PCDHGA5: variants seen among roughly 807,000 people sequenced by gnomAD.
PCDHGA5 encodes protocadherin gamma-A5.
Under a neutral mutation model 56.7 loss-of-function variants are expected in PCDHGA5, and 36 were observed. That is an observed-to-expected ratio of 0.64 (90% CI 0.49 to 0.84). PCDHGA5 has a LOEUF of 0.84. Among genes scored for constraint, PCDHGA5 ranks in the 40% least tolerant of loss-of-function variants. The pLI is 0.00. For missense variants in PCDHGA5, 1,305 were observed against 1,201.5 expected (o/e 1.09, Z -1.27); for synonymous variants, 563 against 520.2 (o/e 1.08, Z -1.12).
chr5:141,478,692 A>C (rs1459911657), intron 1 of PCDHGA5: 2 of 1,550,666 alleles, frequency 1.3e-6, no homozygotes, highest in African/African-American at 2.7e-5. Context: ...CCTAGATCAA[A>C]GTTAGTGCCT....
At chr5:141,415,597 A>G (rs1206125540) in intron 1 of PCDHGA5, 2 of 1,613,800 alleles carry the variant, frequency 1.2e-6, no homozygotes, top group South Asian at 1.1e-5. Flanking sequence ...TATAGAGGAT[A>G]CCCCATTGGT....
At position 141,487,796 on chromosome 5, in the gene PCDHGA5, T is replaced by C. The variant is rs766798983; in HGVS notation, c.2422-7011T>C. ...TAACTGTTTCGTGAATTAACCAGAG[T>C]TGTCACAGTTTAGCATTGGGGGCGG... On this transcript the variant is annotated intron_variant, in intron 1 of 3. Coordinates refer to ENST00000518069, the MANE Select transcript of PCDHGA5 (RefSeq NM_018918.3). The surrounding 1 kb of genome is among the most constrained non-coding windows in gnomAD (Gnocchi z 5.0). 15 of 1,498,660 alleles carry C rather than the reference T, an allele frequency of 1.0e-5. No homozygotes were observed. The highest frequency in any genetic ancestry group is 1.4e-5 in the Non-Finnish European group (15 of 1,110,900). 92.8% of individuals were successfully genotyped at this position (1,498,660 alleles called of 1,614,324 possible). A position where few individuals can be genotyped will look rare whatever the true frequency, so the allele number is the denominator to read the frequency against.
intron 1 of PCDHGA5, among the ~76,000 whole-genome samples, chr5:141,458,726 C>T (rs1301761231): frequency 1.3e-5 from 2 of 151,992 alleles, no homozygotes; most frequent in African/African-American, 4.8e-5. Flanking sequence ...TTCGCCACCA[C>T]ATCCAGCTAT....
At chr5:141,369,931 G>A (rs189671348) in intron 1 of PCDHGA5, among the ~76,000 whole-genome samples, 35 of 152,224 alleles carry the variant, frequency 2.3e-4, no homozygotes, top group African/African-American at 7.9e-4. Flanking sequence ...AAACGTGACG[G>A]GATTGAGCAA....
intron 1 of PCDHGA5, chr5:141,389,959 T>C (rs764607245): frequency 6.2e-7 from 1 of 1,614,058 alleles, no homozygotes; most frequent in Non-Finnish European, 8.5e-7. Flanking sequence ...TACCTAGTGG[T>C]GGCCTTGGCC....
At chr5:141,375,793 C>T (rs761231690) in intron 1 of PCDHGA5, 4 of 1,614,110 alleles carry the variant, frequency 2.5e-6, no homozygotes, top group East Asian at 4.5e-5. Context: ...TCCCCACAGA[C>T]GGTTCCACTG....
At chr5:141,399,628 G>C in intron 1 of PCDHGA5, 1 of 1,613,890 alleles carries the variant, frequency 6.2e-7, no homozygotes, top group Non-Finnish European at 8.5e-7. Flanking sequence ...GGCCTCTTAC[G>C]TGTCCATGAG....
intron 3 of PCDHGA5, among the ~76,000 whole-genome samples, chr5:141,510,089 C>G (rs2099879446): frequency 6.6e-6 from 1 of 152,136 alleles, no homozygotes; most frequent in African/African-American, 2.4e-5. Flanking sequence ...GCCTGGCACA[C>G]AGTAGGTGCT....
chr5:141,447,430 A>G (rs960560239), intron 1 of PCDHGA5, among the ~76,000 whole-genome samples: 9 of 152,156 alleles, frequency 5.9e-5, no homozygotes, highest in African/African-American at 2.2e-4. Flanking sequence ...GAGCCACCGC[A>G]CCCGGAGGAA....
chr5:141,384,714 A>G (rs750526941), intron 1 of PCDHGA5: 8 of 1,614,076 alleles, frequency 5.0e-6, no homozygotes, highest in African/African-American at 1.3e-5. Context: ...CCTGGCTGTC[A>G]TACCTCCTGC....
At chr5:141,415,573 G>A (rs375863243) in intron 1 of PCDHGA5, 68 of 1,613,906 alleles carry the variant, frequency 4.2e-5, no homozygotes, top group Non-Finnish European at 1.2e-5. Flanking sequence ...TTTGTTAGAT[G>A]ATTCGAAGTT....
rs1421541308 is a variant in PCDHGA5 at position 141,409,559 on chromosome 5, G to C, written c.2421+42808G>C. On this transcript the variant is annotated intron_variant, in intron 1 of 3. Coordinates refer to ENST00000518069, the MANE Select transcript of PCDHGA5 (RefSeq NM_018918.3). The stretch of plus-strand genomic sequence containing the variant: ...CATCAACGACAACGCCCCAGTTTTC[G>C]ACCAGACGTCCTACGTGGTCCACGT... The C allele has an allele frequency of 1.9e-6, 3 of 1,613,936 alleles. No individual in the cohort carries two copies. The highest frequency in any genetic ancestry group is 1.7e-6 in the Non-Finnish European group (2 of 1,179,910).
At chr5:141,500,370 G>C (rs766183384) in intron 2 of PCDHGA5, among the ~76,000 whole-genome samples, 1 of 151,644 alleles carries the variant, frequency 6.6e-6, no homozygotes, top group Non-Finnish European at 1.5e-5. Flanking sequence ...TACCACGCCC[G>C]GCTAATTATT....
chr5:141,433,091 A>G (rs1344906248), intron 1 of PCDHGA5: 2 of 1,614,182 alleles, frequency 1.2e-6, no homozygotes, highest in African/African-American at 1.3e-5. Flanking sequence ...CTATGCAGAC[A>G]TGCTCGTCAG....
intron 1 of PCDHGA5, among the ~76,000 whole-genome samples, chr5:141,438,935 G>A (rs1306603362): frequency 6.6e-6 from 1 of 151,810 alleles, no homozygotes; most frequent in African/African-American, 2.4e-5. Context: ...CAAAGTGCTG[G>A]GATTATAGGC....
chr5:141,478,563 C>A, intron 1 of PCDHGA5: 2 of 1,596,270 alleles, frequency 1.3e-6, no homozygotes, highest in South Asian at 1.1e-5. Context: ...TTTAGCAAGT[C>A]ATGCTTGACC....
chr5:141,374,902 C>T (rs1481689020), intron 1 of PCDHGA5: 2 of 1,613,754 alleles, frequency 1.2e-6, no homozygotes, highest in Middle Eastern at 1.6e-4. Flanking sequence ...ATGAAGGAGT[C>T]CACGGGGAAG....
chr5:141,376,427 C>T (rs1772674192), intron 1 of PCDHGA5: 1 of 1,614,104 alleles, frequency 6.2e-7, no homozygotes, highest in Non-Finnish European at 8.5e-7. Context: ...GCTTATCAAC[C>T]AGGAGAGCTA....
chr5:141,476,803 T>G lies in PCDHGA5; in HGVS notation c.2422-18004T>G, dbSNP rs756358461. 3 of 1,613,688 alleles carry G rather than the reference T, an allele frequency of 1.9e-6. No individual in the cohort carries two copies. The highest frequency in any genetic ancestry group is 2.2e-5 in the South Asian group (2 of 91,092). ...CCCCAGCTCTCTCCGCCAGCCTGCCTATTCACATCAAGGTGCTGGACGCGA... is the reference window on the plus strand; with the variant it reads ...CCCCAGCTCTCTCCGCCAGCCTGCCGATTCACATCAAGGTGCTGGACGCGA... On this transcript the variant is annotated intron_variant, in intron 1 of 3. Transcript: ENST00000518069. The surrounding 1 kb of genome is among the most constrained non-coding windows in gnomAD (Gnocchi z 7.6).
Sources: gnomAD v4.1 joint callset for allele counts (sites outside exome capture counted in the v4.1 genomes callset) on GRCh38, gnomAD v4.1.1 for gene constraint, Gnocchi (gnomAD v3.1) non-coding constraint, MANE v1.5 for transcripts, NCBI Gene and HGNC (gene_info 2026-07-23, HGNC 2026-07-21) for gene names.